SLC5A9: variants seen among roughly 807,000 people sequenced by gnomAD.
The protein encoded by SLC5A9 is sodium/glucose cotransporter 4.
In SLC5A9, 59 loss-of-function variants were observed where a neutral mutation model predicts 70.9. That is an observed-to-expected ratio of 0.83 (90% CI 0.68 to 1.03). SLC5A9 has a LOEUF of 1.03. Ranked by LOEUF, SLC5A9 falls within the 50% of genes least tolerant of loss-of-function variation. The probability of loss-of-function intolerance (pLI) is 0.00; values close to 1 mark genes in which losing one functional copy is unlikely to be tolerated. For missense variants in SLC5A9, 832 were observed against 881.1 expected (o/e 0.94, Z 0.71); for synonymous variants, 340 against 346.5 (o/e 0.98, Z 0.21).
At position 48,232,079 on chromosome 1, in the gene SLC5A9, C is replaced by G. The variant is rs61997212; in HGVS notation, c.825C>G (p.Ser275Arg). The change falls in exon 7 of 14, where the codon AGC becomes AGG. Residue 275 changes from serine to arginine, a missense_variant. Transcript: ENST00000438567. ...TCCACATTCTTCGGGACCCTGTGAGCGGGGACATCCCTTGGCCAGGTCTCA... is the reference window on the plus strand; with the variant it reads ...TCCACATTCTTCGGGACCCTGTGAGGGGGGACATCCCTTGGCCAGGTCTCA... Reference protein sequence around the residue: ...DAFHILRDPVSGDIPWPGLIF... With the variant: ...DAFHILRDPVRGDIPWPGLIF... 2 of 1,614,084 alleles carry G rather than the reference C, an allele frequency of 1.2e-6. No homozygotes were observed. Among genetic ancestry groups the G allele is most frequent in the South Asian group, 1.1e-5 (1 of 91,070 alleles).
At chr1:48,232,226 A>T (rs1644259490) in intron 7 of SLC5A9, 75 bp downstream of exon 7, 2 of 1,562,908 alleles carry the variant, frequency 1.3e-6, no homozygotes, top group Non-Finnish European at 1.7e-6. Flanking sequence ...CAGTGCCTGG[A>T]TGCATAGAGG....
At chr1:48,231,478 C>A in intron 5 of SLC5A9, 67 bp from the exon 6 acceptor site, 1 of 1,592,942 alleles carries the variant, frequency 6.3e-7, no homozygotes. Flanking sequence ...TGGCCATGCA[C>A]AGGGCAGGCA....
At chr1:48,232,967 G>A (rs992437292) in intron 8 of SLC5A9, among the ~76,000 whole-genome samples, 1 of 133,374 alleles carries the variant, frequency 7.5e-6, no homozygotes, top group East Asian at 2.4e-4. Context: ...AGGAGGAGGA[G>A]GAGGAAAGAA....
chr1:48,226,517 G>C (rs1214624000), intron 2 of SLC5A9, among the ~76,000 whole-genome samples: 1 of 152,228 alleles, frequency 6.6e-6, no homozygotes, highest in Admixed American at 6.5e-5. Flanking sequence ...TCCTGCACCT[G>C]AGACCTGGGT....
At chr1:48,236,483 T>C (rs910153797) in intron 10 of SLC5A9, among the ~76,000 whole-genome samples, 1 of 152,242 alleles carries the variant, frequency 6.6e-6, no homozygotes, top group Non-Finnish European at 1.5e-5. Context: ...ATTCGAACTT[T>C]ATCTTGTGGG....
intron 8 of SLC5A9, among the ~76,000 whole-genome samples, chr1:48,233,341 A>T (rs971873308): frequency 8.0e-6 from 1 of 124,864 alleles, no homozygotes; most frequent in African/African-American, 2.9e-5. Flanking sequence ...AGCCTGAGTG[A>T]CAGAGCGTGA....
chr1:48,224,885 C>T, intron 2 of SLC5A9, 90 bp downstream of exon 2: 1 of 1,304,136 alleles, frequency 7.7e-7, no homozygotes, highest in South Asian at 1.2e-5. Context: ...TCTTCTCACA[C>T]CTGGACCAAG....
At chr1:48,246,285 T>G (rs1187618116) in intron 13 of SLC5A9, among the ~76,000 whole-genome samples, 1 of 152,190 alleles carries the variant, frequency 6.6e-6, no homozygotes, top group African/African-American at 2.4e-5. Flanking sequence ...TGTTGCTATG[T>G]GACCTTAAAT....
intron 8 of SLC5A9, among the ~76,000 whole-genome samples, chr1:48,233,015 AGAGGGAGG>A (rs34762012): frequency 2.8e-4 from 33 of 117,000 alleles, no homozygotes; most frequent in African/African-American, 9.7e-4. Flanking sequence ...AGGAACGAAG[AGAGGGAGG>A]GAGGGAGGGA....
chr1:48,234,122 T>C (rs1644295287), intron 9 of SLC5A9, among the ~76,000 whole-genome samples: 1 of 152,128 alleles, frequency 6.6e-6, no homozygotes, highest in Non-Finnish European at 1.5e-5. Context: ...CTGGAATGTC[T>C]CCCAGAGGGA....
chr1:48,232,260 G>A, intron 7 of SLC5A9, 107 bp from the exon 8 acceptor site: 5 of 1,554,412 alleles, frequency 3.2e-6, no homozygotes, highest in South Asian at 1.2e-5. Context: ...CTGGGATTGT[G>A]ACTGGACTGG....
At chr1:48,235,686 C>A (rs751865983) in intron 9 of SLC5A9, 43 bp from the exon 10 acceptor site, 12 of 1,611,716 alleles carry the variant, frequency 7.4e-6, no homozygotes, top group South Asian at 1.1e-5. Flanking sequence ...GAAGAGCCGG[C>A]CTTAATGGGC....
intron 12 of SLC5A9, 33 bp from the exon 13 acceptor site, chr1:48,242,424 G>T (rs765555763): frequency 2.6e-6 from 4 of 1,555,438 alleles, no homozygotes; most frequent in African/African-American, 2.7e-5. Flanking sequence ...TTCTCTCCAA[G>T]GCAACTGACT....
intron 13 of SLC5A9, among the ~76,000 whole-genome samples, chr1:48,243,863 T>C (rs1052295651): frequency 6.6e-6 from 1 of 152,214 alleles, no homozygotes; most frequent in African/African-American, 2.4e-5. Context: ...CACTTAATTC[T>C]TAAATTTATT....
At chr1:48,236,561 T>C (rs527851087) in intron 10 of SLC5A9, among the ~76,000 whole-genome samples, 2 of 152,350 alleles carry the variant, frequency 1.3e-5, no homozygotes, top group East Asian at 3.9e-4. Context: ...AGGCTGGAGA[T>C]TTGTAGTTTA....
At chr1:48,230,553 C>T (rs1448104556) in intron 4 of SLC5A9, 47 bp from the exon 5 acceptor site, 2 of 1,380,150 alleles carry the variant, frequency 1.4e-6, no homozygotes, top group Non-Finnish European at 2.1e-6. Flanking sequence ...TACAACCCTA[C>T]TGAGGGCCTC....
At chr1:48,234,799 G>C (rs901335957) in intron 9 of SLC5A9, among the ~76,000 whole-genome samples, 3 of 152,108 alleles carry the variant, frequency 2.0e-5, no homozygotes, top group African/African-American at 7.2e-5. Flanking sequence ...CTGCCCTGAG[G>C]GGCAGGTTGG....
chr1:48,225,069 C>T (rs1644125509), intron 2 of SLC5A9, among the ~76,000 whole-genome samples: 1 of 152,100 alleles, frequency 6.6e-6, no homozygotes, highest in South Asian at 2.1e-4. Context: ...TGGAATGTCC[C>T]TGTCCTAGAG....
chr1:48,244,463 A>G (rs1339776372), intron 13 of SLC5A9, among the ~76,000 whole-genome samples: 1 of 151,964 alleles, frequency 6.6e-6, no homozygotes, highest in Non-Finnish European at 1.5e-5. Context: ...ACTTGCCTAG[A>G]GCTAATGACA....
Sources: allele counts gnomAD v4.1 joint callset (sites outside exome capture counted in the v4.1 genomes callset), GRCh38; gene constraint gnomAD v4.1.1; transcripts MANE v1.5; gene names NCBI Gene and HGNC (gene_info 2026-07-23, HGNC 2026-07-21).